BABAM2: variants seen among roughly 807,000 people sequenced by gnomAD.
The protein encoded by BABAM2 is BRISC and BRCA1 A complex member 2, also known as BRISC and BRCA1-A complex member 2.
BABAM2 carries 31 observed loss-of-function variants against 54.7 expected under a neutral mutation model. The ratio of observed to expected loss-of-function variants is 0.57; its 90% CI spans 0.43 to 0.77. BABAM2 has a LOEUF of 0.77. BABAM2 is among the 30% of genes least tolerant of loss of function. The pLI, the probability that BABAM2 is intolerant of heterozygous loss-of-function variation, is 0.00. For missense variants in BABAM2, 364 were observed against 455.8 expected, an observed-to-expected ratio of 0.80 and a Z score of 1.83; for synonymous variants, 167 against 162.9, an observed-to-expected ratio of 1.03 and a Z score of -0.19.
At chr2:28,128,069 C>T (rs1420892353) in intron 6 of BABAM2, among the ~76,000 whole-genome samples, 1 of 152,086 alleles carries the variant, frequency 6.6e-6, no homozygotes. Context: ...GCCTCAGCCT[C>T]CCAAAGTGCT....
intron 6 of BABAM2, among the ~76,000 whole-genome samples, chr2:28,100,452 A>T (rs1666983390): frequency 8.9e-6 from 1 of 112,980 alleles, no homozygotes; most frequent in Admixed American, 1.1e-4. Flanking sequence ...AGAGCGAGAG[A>T]CTCTGTCTCC....
intron 6 of BABAM2, among the ~76,000 whole-genome samples, chr2:28,061,117 G>T (rs1399404700): frequency 6.6e-6 from 1 of 152,084 alleles, no homozygotes; most frequent in Non-Finnish European, 1.5e-5. Context: ...TGTGATGATG[G>T]TCTAGAAAAA....
intron 6 of BABAM2, among the ~76,000 whole-genome samples, chr2:28,082,269 G>A (rs1304585529): frequency 6.6e-6 from 1 of 152,216 alleles, no homozygotes; most frequent in Non-Finnish European, 1.5e-5. Flanking sequence ...TCAGTATAAA[G>A]CAAATAGTTT....
chr2:28,055,484 C>T (rs1034205588), intron 6 of BABAM2, among the ~76,000 whole-genome samples: 3 of 152,170 alleles, frequency 2.0e-5, no homozygotes, highest in African/African-American at 7.2e-5. Context: ...AATTTTTCCT[C>T]TCTTCTGATT....
chr2:28,166,356 T>A (rs559913703), intron 7 of BABAM2, among the ~76,000 whole-genome samples: 12 of 152,222 alleles, frequency 7.9e-5, no homozygotes, highest in Middle Eastern at 3.4e-3. Flanking sequence ...TAGGTCATGA[T>A]AATAAGGTTG....
At chr2:28,046,725 TTAG>T in intron 6 of BABAM2, among the ~76,000 whole-genome samples, 1 of 152,082 alleles carries the variant, frequency 6.6e-6, no homozygotes, top group East Asian at 1.9e-4. Context: ...TAAGTATGAC[TTAG>T]TAGAATATAA....
chr2:28,032,394 G>A (rs1046320486), intron 5 of BABAM2, among the ~76,000 whole-genome samples: 6 of 152,050 alleles, frequency 3.9e-5, no homozygotes, highest in Non-Finnish European at 7.4e-5. Context: ...ACAAGTCTGC[G>A]AATTTGAAAT....
chr2:28,224,847 T>C lies in BABAM2; in HGVS notation c.681-12355T>C, dbSNP rs1241059015. On this transcript the variant is annotated intron_variant, in intron 7 of 11. Transcript: ENST00000379624. ...GGAGAACAAGTCCAAAAACGGTAAA[T>C]TGACAAAAAAAAAAAAAAAAAAAAA... Among the ~76,000 whole-genome samples, 3 of 107,186 alleles carry C rather than the reference T, an allele frequency of 2.8e-5. 1 individual carries two copies. Among genetic ancestry groups the C allele is most frequent in the Non-Finnish European group, 5.5e-5 (3 of 54,104 alleles). 70.3% of individuals were successfully genotyped at this position (107,186 alleles called of 152,430 possible).
chr2:28,083,919 C>T (rs1000820359), intron 6 of BABAM2, among the ~76,000 whole-genome samples: 1 of 152,196 alleles, frequency 6.6e-6, no homozygotes, highest in Non-Finnish European at 1.5e-5. Flanking sequence ...CATAGCCCCC[C>T]TTCCCTTTCT....
At chr2:28,111,592 A>C (rs1196759597) in intron 6 of BABAM2, among the ~76,000 whole-genome samples, 1 of 152,210 alleles carries the variant, frequency 6.6e-6, no homozygotes, top group African/African-American at 2.4e-5. Flanking sequence ...TAGACCAGTG[A>C]AACATCATAG....
intron 3 of BABAM2, 105 bp from the exon 4 acceptor site, chr2:27,987,888 C>A: frequency 9.4e-6 from 8 of 848,014 alleles, no homozygotes; most frequent in Non-Finnish European, 7.2e-6. Flanking sequence ...AAATGGTTTT[C>A]TTAAACTAAT....
chr2:28,223,829 C>A (rs527955841), intron 7 of BABAM2, among the ~76,000 whole-genome samples: 58 of 152,294 alleles, frequency 3.8e-4, no homozygotes, highest in Admixed American at 5.9e-4. Flanking sequence ...TCAGAACCAG[C>A]TATGAGCTTT....
rs147766319 is a variant in BABAM2, at chr2:27,981,129, C to T, written c.206-6864C>T. ...TGTAAAGTTCCTTAAAAATAAAGAT[C>T]TTTGCAAGTATTTATCTTAAAAAGC... On this transcript the variant is annotated intron_variant, in intron 3 of 11. Coordinates refer to ENST00000379624, the MANE Select transcript of BABAM2 (RefSeq NM_199191.3). Among the ~76,000 whole-genome samples, 960 of 152,110 alleles carry T rather than the reference C, an allele frequency of 6.3e-3. 7 individuals carry two copies. Among genetic ancestry groups the T allele is most frequent in the Non-Finnish European group, 7.8e-3 (533 of 67,964 alleles).
At chr2:28,268,223 C>A (rs1685146476) in intron 10 of BABAM2, among the ~76,000 whole-genome samples, 1 of 152,182 alleles carries the variant, frequency 6.6e-6, no homozygotes, top group South Asian at 2.1e-4. Flanking sequence ...ATAGTCCCAG[C>A]TACTTGGGGA....
chr2:27,982,076 C>G (rs1672048471), intron 3 of BABAM2, among the ~76,000 whole-genome samples: 1 of 152,058 alleles, frequency 6.6e-6, no homozygotes, highest in Admixed American at 6.6e-5. Context: ...AGCTATCTTA[C>G]TGTGATTTTG....
chr2:27,922,024 C>T (rs1667379569), intron 2 of BABAM2, among the ~76,000 whole-genome samples: 1 of 152,094 alleles, frequency 6.6e-6, no homozygotes, highest in Admixed American at 6.5e-5. Context: ...TTGGAGTGTT[C>T]ACCTCCTGGA....
intron 4 of BABAM2, among the ~76,000 whole-genome samples, chr2:28,019,157 A>G (rs1315195859): frequency 6.6e-6 from 1 of 152,140 alleles, no homozygotes; most frequent in Non-Finnish European, 1.5e-5. Flanking sequence ...AGATTCACCC[A>G]TGTCCCTGAA....
At chr2:28,128,874 G>A (rs1669796265) in intron 6 of BABAM2, among the ~76,000 whole-genome samples, 1 of 130,544 alleles carries the variant, frequency 7.7e-6, no homozygotes, top group Admixed American at 7.7e-5. Flanking sequence ...TACTGTCAAG[G>A]TAGGTGTAAG....
chr2:28,199,565 T>C (rs1017752854), intron 7 of BABAM2, among the ~76,000 whole-genome samples: 1 of 152,206 alleles, frequency 6.6e-6, no homozygotes, highest in African/African-American at 2.4e-5. Flanking sequence ...GAAGATATGA[T>C]TGAAACTAGG....
Sources: allele counts gnomAD v4.1 joint callset (sites outside exome capture counted in the v4.1 genomes callset), GRCh38; gene constraint gnomAD v4.1.1; transcripts MANE v1.5; gene names NCBI Gene and HGNC (gene_info 2026-07-23, HGNC 2026-07-21).